TXNDC11: variants seen among roughly 807,000 people sequenced by gnomAD.
The protein encoded by TXNDC11 is thioredoxin domain-containing protein 11.
A neutral mutation model predicts 78.0 loss-of-function variants in TXNDC11; 68 were observed. The ratio of observed to expected loss-of-function variants is 0.87; its 90% confidence interval spans 0.72 to 1.07. The LOEUF (loss-of-function observed/expected upper bound fraction) is 1.07, where lower values mean the gene tolerates loss of function less well. TXNDC11 is among the 50% of genes least tolerant of loss of function. The probability of loss-of-function intolerance (pLI) is 0.00; values close to 1 mark genes in which losing one functional copy is unlikely to be tolerated. For missense variants in TXNDC11, 1,389 were observed against 1,221.8 expected, an observed-to-expected ratio of 1.14 and a Z score of -2.04; for synonymous variants, 571 against 495.2, an observed-to-expected ratio of 1.15 and a Z score of -2.03.
chr16:11,703,516 AC>A (rs2051092957), intron 5 of TXNDC11, among the ~76,000 whole-genome samples: 1 of 133,170 alleles, frequency 7.5e-6, no homozygotes, highest in Non-Finnish European at 1.5e-5. Flanking sequence ...TGATACACAC[AC>A]ACACACACAC....
chr16:11,687,658 A>G (rs2050600706), intron 10 of TXNDC11, among the ~76,000 whole-genome samples, 199 bp downstream of exon 10: 1 of 152,224 alleles, frequency 6.6e-6, no homozygotes, highest in Admixed American at 6.5e-5. Context: ...ACATCATGGA[A>G]GGAACACTCA....
At chr16:11,688,043 T>C (rs1284145320) in intron 9 of TXNDC11, 77 bp from the exon 10 acceptor site, 13 of 1,203,794 alleles carry the variant, frequency 1.1e-5, no homozygotes, top group South Asian at 1.0e-4. Context: ...TTGCTTAGAA[T>C]CCAGCAAGCA....
chr16:11,715,641 C>T (rs532594174), intron 5 of TXNDC11, among the ~76,000 whole-genome samples: 1 of 152,308 alleles, frequency 6.6e-6, no homozygotes, highest in African/African-American at 2.4e-5. Flanking sequence ...ATTCACCAAG[C>T]ACGGTGTGGA....
At chr16:11,684,076 A>G in intron 11 of TXNDC11, 89 bp downstream of exon 11, 1 of 928,454 alleles carries the variant, frequency 1.1e-6, no homozygotes, top group South Asian at 1.4e-5. Context: ...TTTGAACATA[A>G]TGAATGATTT....
At chr16:11,685,171 C>T (rs536000474) in intron 10 of TXNDC11, among the ~76,000 whole-genome samples, 7 of 152,306 alleles carry the variant, frequency 4.6e-5, no homozygotes, top group African/African-American at 1.7e-4. Flanking sequence ...CGAGACTAGC[C>T]TGGGCAACAT....
intron 4 of TXNDC11, among the ~76,000 whole-genome samples, chr16:11,723,741 T>G (rs2044386341): frequency 6.6e-6 from 1 of 152,222 alleles, no homozygotes; most frequent in South Asian, 2.1e-4. Context: ...TTTTCTGTCA[T>G]CTGGCAATTT....
intron 5 of TXNDC11, among the ~76,000 whole-genome samples, chr16:11,718,248 G>T (rs920928146): frequency 1.3e-5 from 2 of 151,900 alleles, no homozygotes; most frequent in African/African-American, 4.8e-5. Context: ...CTTTGAAGTG[G>T]CCTGGCTATT....
At chr16:11,680,297 C>T (rs959510140) in intron 11 of TXNDC11, among the ~76,000 whole-genome samples, 1 of 152,208 alleles carries the variant, frequency 6.6e-6, no homozygotes, top group African/African-American at 2.4e-5. Flanking sequence ...TGAAAGATAC[C>T]CAGTCTGTTT....
In TXNDC11 at chr16:11,691,648, C is replaced by T. The variant is rs1188579668; in HGVS notation, c.1542G>A (p.Arg514=). Residue 514 remains arginine (R), a synonymous_variant, in exon 8 of 12, where the codon AGG becomes AGA. Transcript: ENST00000283033. ...YYTACCRTIS[R]GVSGFIDSEQ... is the part of the protein sequence containing the mutation. ...CAGAGTCGATGAAGCCTGACACACC[C>T]CTGCTTATGGTCCTGCAACATGCAG... The T allele has an allele frequency of 8.7e-6, 14 of 1,614,184 alleles. No homozygotes were observed. The South Asian group carries it at 1.5e-4, about 18-fold the overall frequency.
intron 5 of TXNDC11, among the ~76,000 whole-genome samples, chr16:11,700,819 T>C (rs2050992696): frequency 6.6e-6 from 1 of 152,200 alleles, no homozygotes; most frequent in Non-Finnish European, 1.5e-5. Flanking sequence ...AGGAGTCCCC[T>C]GTGTCCACCT....
intron 10 of TXNDC11, among the ~76,000 whole-genome samples, chr16:11,685,455 C>T (rs1251211093): frequency 6.6e-6 from 1 of 152,100 alleles, no homozygotes; most frequent in Admixed American, 6.5e-5. Flanking sequence ...ACCATCCTGG[C>T]TAACGCGGTG....
intron 7 of TXNDC11, among the ~76,000 whole-genome samples, chr16:11,692,579 T>C (rs144482793): frequency 4.6e-4 from 70 of 152,316 alleles, no homozygotes; most frequent in African/African-American, 1.6e-3. Context: ...ACGAATCTTC[T>C]ACCCATGAAA....
chr16:11,691,358 A>C lies in TXNDC11; in HGVS notation c.1832T>G (p.Ile611Ser). The change falls in exon 8 of 12, where the codon ATT becomes AGT. Residue 611 changes from isoleucine (I) to serine (S), a missense_variant. Transcript: ENST00000283033. ...SSTQVKEFAA[I>S]VDVKEESHYI... ...ATGAGATTCTTCTTTCACGTCAACA[A>C]TTGCCGCAAATTCTTTCACCTGAGT... is the stretch of plus-strand genomic sequence containing the variant. The C allele has an allele frequency of 6.2e-7, 1 of 1,614,218 alleles. No individual in the cohort carries two copies. The highest frequency in any genetic ancestry group is 8.5e-7 in the Non-Finnish European group (1 of 1,180,046).
At chr16:11,721,524 G>T (rs929391471) in intron 5 of TXNDC11, 53 bp downstream of exon 5, 3 of 945,234 alleles carry the variant, frequency 3.2e-6, no homozygotes, top group African/African-American at 1.6e-5. Flanking sequence ...TGGAAAAGAT[G>T]TAAGTAACAA....
chr16:11,709,970 C>T (rs543878652), intron 5 of TXNDC11, among the ~76,000 whole-genome samples: 2 of 152,190 alleles, frequency 1.3e-5, no homozygotes, highest in African/African-American at 4.8e-5. Context: ...CGGTGAAACC[C>T]CGTCTCTACT....
In TXNDC11 at chr16:11,742,699, C is replaced by G; in HGVS notation, c.32G>C (p.Ser11Thr). 6.8e-7 allele frequency: 1 copy of G among 1,479,984 alleles called. No individual in the cohort carries two copies. The highest frequency in any genetic ancestry group is 2.0e-4 in the Middle Eastern group (1 of 5,046). The allele number at this position is 1,479,984 out of a possible 1,614,324, so 91.7% of individuals were successfully genotyped here. The change falls in exon 1 of 12, where the codon AGC becomes ACC. Residue 11 changes from serine (S) to threonine (T), a missense_variant. By Grantham distance (58) the Ser-to-Thr change is moderately conservative. Coordinates refer to ENST00000283033, the MANE Select transcript of TXNDC11 (RefSeq NM_015914.7). MSECGGRGGG[S>T]SSSEDAEDEG... ...GTCCTCGGCGTCCTCGCTGCTGCTG[C>G]TGCCGCCGCCGCGGCCTCCGCATTC...
At chr16:11,709,671 G>A (rs1234667600) in intron 5 of TXNDC11, among the ~76,000 whole-genome samples, 3 of 151,604 alleles carry the variant, frequency 2.0e-5, no homozygotes, top group Non-Finnish European at 4.4e-5. Flanking sequence ...TCCTGACCTC[G>A]TGATCCGCCC....
intron 5 of TXNDC11, among the ~76,000 whole-genome samples, chr16:11,701,309 G>A (rs2051016354): frequency 6.6e-6 from 1 of 151,502 alleles, no homozygotes; most frequent in Admixed American, 6.6e-5. Flanking sequence ...GCTAATTTTT[G>A]TATTTTTAGT....
At chr16:11,683,856 A>C (rs1250151302) in intron 11 of TXNDC11, among the ~76,000 whole-genome samples, 2 of 149,090 alleles carry the variant, frequency 1.3e-5, no homozygotes, top group Non-Finnish European at 1.5e-5. Context: ...GGTTCAAGAG[A>C]TTCTCGTGCC....
Sources: gnomAD v4.1 joint callset for allele counts (sites outside exome capture counted in the v4.1 genomes callset) on GRCh38, gnomAD v4.1.1 for gene constraint, MANE v1.5 for transcripts, NCBI Gene and HGNC (gene_info 2026-07-23, HGNC 2026-07-21) for gene names.